Variants in MYOM1 observed in about 807,000 individuals in gnomAD.
The protein encoded by MYOM1 is myomesin-1.
In MYOM1, 164 loss-of-function variants were observed where a neutral mutation model predicts 205.3. The observed-to-expected ratio is 0.80, with a 90% confidence interval of 0.70 to 0.91. The LOEUF (loss-of-function observed/expected upper bound fraction) is 0.91, where lower values mean the gene tolerates loss of function less well. Among genes scored for constraint, MYOM1 ranks in the 40% least tolerant of loss-of-function variants. The pLI is 0.00. For missense variants in MYOM1, 2,011 were observed against 2,127.3 expected (o/e 0.95, Z 1.08); for synonymous variants, 772 against 789.4 (o/e 0.98, Z 0.37).
chr18:3,160,017 T>C (rs2144031243), intron 10 of MYOM1, among the ~76,000 whole-genome samples: 1 of 150,590 alleles, frequency 6.6e-6, no homozygotes, highest in South Asian at 2.1e-4. Context: ...CTCCTACTTC[T>C]TCTTCTCCTT....
At chr18:3,166,263 C>CTTTT (rs765532198) in intron 9 of MYOM1, among the ~76,000 whole-genome samples, 27 of 111,640 alleles carry the variant, frequency 2.4e-4, no homozygotes, top group East Asian at 5.5e-4. Context: ...TATCTCAAGT[C>CTTTT]TTTTTTTTTT....
intron 13 of MYOM1, among the ~76,000 whole-genome samples, chr18:3,143,394 A>G (rs1245610272): frequency 1.3e-5 from 2 of 152,354 alleles, no homozygotes; most frequent in South Asian, 2.1e-4. Flanking sequence ...AAAGAAAATC[A>G]TATCAGATGG....
intron 16 of MYOM1, among the ~76,000 whole-genome samples, chr18:3,131,975 T>C (rs1030489520): frequency 6.7e-6 from 1 of 149,546 alleles, no homozygotes. Flanking sequence ...GGGCCTGGCA[T>C]ATATGAGGTA....
intron 13 of MYOM1, among the ~76,000 whole-genome samples, chr18:3,146,554 A>T (rs2143962741): frequency 6.6e-6 from 1 of 152,292 alleles, no homozygotes; most frequent in South Asian, 2.1e-4. Flanking sequence ...AAAGCATTTG[A>T]CAAAATCCAA....
At chr18:3,122,010 T>C (rs974692725) in intron 19 of MYOM1, among the ~76,000 whole-genome samples, 3 of 152,034 alleles carry the variant, frequency 2.0e-5, no homozygotes, top group Admixed American at 6.6e-5. Context: ...TTCCAGCTAC[T>C]TGGGAGGCTG....
In MYOM1 at chr18:3,142,060, C is replaced by T. The variant is rs766918368; in HGVS notation, c.1904G>A (p.Gly635Asp). 5.6e-6 allele frequency: 9 copies of T among 1,613,004 alleles called. No homozygotes were observed. Among genetic ancestry groups the T allele is most frequent in the Non-Finnish European group, 7.6e-6 (9 of 1,179,398 alleles). Residue 635 changes from glycine (G) to aspartate (D), a missense_variant, in exon 14 of 38, where the codon GGT becomes GAT. Physicochemically the swap from Gly to Asp is moderately conservative, Grantham distance 94 (BLOSUM62 -1). Coordinates refer to ENST00000356443, the MANE Select transcript of MYOM1 (RefSeq NM_003803.4). ...GTCTGTCGGGGGGCCAGGCACAATA[C>T]CCTCTGAAAAACAACAAGGAAAAAT... ...IIVTEEEPSE[G>D]IVPGPPTDLS...
At chr18:3,160,102 CCTT>C (rs148197003) in intron 10 of MYOM1, among the ~76,000 whole-genome samples, 19 of 146,602 alleles carry the variant, frequency 1.3e-4, no homozygotes, top group Middle Eastern at 3.4e-3. Context: ...TTCTCCTCCT[CCTT>C]CTTCTTCTTC....
intron 10 of MYOM1, among the ~76,000 whole-genome samples, chr18:3,157,569 T>C (rs1460982047): frequency 6.6e-6 from 1 of 151,514 alleles, no homozygotes; most frequent in African/African-American, 2.4e-5. Context: ...TCCAGTAACT[T>C]GAGAGGCTGA....
At chr18:3,143,246 G>A (rs1292138967) in intron 13 of MYOM1, among the ~76,000 whole-genome samples, 2 of 151,928 alleles carry the variant, frequency 1.3e-5, no homozygotes, top group African/African-American at 2.4e-5. Flanking sequence ...AGTACTGAGA[G>A]AAAAAACTGT....
intron 29 of MYOM1, among the ~76,000 whole-genome samples, chr18:3,087,019 T>C (rs759450233): frequency 6.6e-6 from 1 of 152,144 alleles, no homozygotes; most frequent in African/African-American, 2.4e-5. Flanking sequence ...TAAATAAACA[T>C]AGGAACCACC....
rs959165805 is a variant in MYOM1 at position 3,152,550 on chromosome 18, G to A, written c.1644-657C>T. 6.6e-6 allele frequency among the ~76,000 whole-genome samples: 1 copy of A among 152,200 alleles called. No individual in the cohort carries two copies. Among genetic ancestry groups the A allele is most frequent in the African/African-American group, 2.4e-5 (1 of 41,454 alleles). ...TTTCTAATTGAGTGCTTTTACAGCAGTTGGTACCTGGGGATGGAGTGGGTC... is the reference window on the plus strand; with the variant it reads ...TTTCTAATTGAGTGCTTTTACAGCAATTGGTACCTGGGGATGGAGTGGGTC... On this transcript the variant is annotated intron_variant, in intron 11 of 37. Transcript: ENST00000356443. The surrounding 1 kb of genome is among the most constrained non-coding windows in gnomAD (Gnocchi z 4.3).
intron 5 of MYOM1, among the ~76,000 whole-genome samples, chr18:3,187,166 G>A (rs1333749855): frequency 6.6e-6 from 1 of 152,076 alleles, no homozygotes; most frequent in Non-Finnish European, 1.5e-5. Flanking sequence ...TTTATCATCC[G>A]TAAGAGTTAT....
chr18:3,224,963 C>T (rs141528444), upstream of MYOM1, among the ~76,000 whole-genome samples: 530 of 151,664 alleles, frequency 3.5e-3, 4 homozygotes, highest in African/African-American at 0.012. Context: ...CCGTGCCCGG[C>T]CTATTATTAG....
chr18:3,178,610 C>T (rs893486045), intron 5 of MYOM1, among the ~76,000 whole-genome samples: 1 of 152,192 alleles, frequency 6.6e-6, no homozygotes, highest in African/African-American at 2.4e-5. Flanking sequence ...GCACGTTATT[C>T]ATTTTCTACA....
chr18:3,230,381 G>GTTTC, the MYOM1 span, among the ~76,000 whole-genome samples: 2 of 152,220 alleles, frequency 1.3e-5, no homozygotes. Context: ...TCCATGCCCA[G>GTTTC]GTAACGAAAG....
At chr18:3,104,087 T>C (rs1342882133) in intron 22 of MYOM1, among the ~76,000 whole-genome samples, 1 of 152,240 alleles carries the variant, frequency 6.6e-6, no homozygotes, top group Non-Finnish European at 1.5e-5. Flanking sequence ...ATGTATTCCA[T>C]TGTAAGTTGC....
At chr18:3,110,740 C>T (rs201508397) in intron 22 of MYOM1, among the ~76,000 whole-genome samples, 25 of 141,496 alleles carry the variant, frequency 1.8e-4, no homozygotes, top group Non-Finnish European at 2.4e-4. Flanking sequence ...TCTTTTTTTT[C>T]TTTTTTTTTT....
intron 34 of MYOM1, among the ~76,000 whole-genome samples, chr18:3,077,848 C>T (rs73371156): frequency 0.024 from 3,725 of 152,138 alleles, 153 homozygotes; most frequent in African/African-American, 0.084. Context: ...CTAGAAAGTC[C>T]GCGTCCCTCT....
rs116910746 is a variant in MYOM1 at position 3,067,048 on chromosome 18, G to A, written c.*214C>T. 177 of 573,922 alleles carry A rather than the reference G, an allele frequency of 3.1e-4. No individual in the cohort carries two copies. The East Asian group carries it at 4.4e-3, about 14-fold the overall frequency. 35.6% of individuals were successfully genotyped at this position (573,922 alleles called of 1,614,324 possible). ...AACTGTTTCCTAATCTTCATGCTAT[G>A]AATGGTATTTTCTTAACACATAATT... On this transcript the variant is annotated 3_prime_UTR_variant, in exon 38 of 38. Transcript: ENST00000356443.
Sources: allele counts gnomAD v4.1 joint callset (sites outside exome capture counted in the v4.1 genomes callset), GRCh38; gene constraint gnomAD v4.1.1; non-coding constraint Gnocchi (gnomAD v3.1); transcripts MANE v1.5; gene names NCBI Gene and HGNC (gene_info 2026-07-23, HGNC 2026-07-21).